CALU: variants seen among roughly 807,000 people sequenced by gnomAD.
CALU encodes calumenin.
In CALU, 13 loss-of-function variants were observed where a neutral mutation model predicts 37.5. The ratio of observed to expected loss-of-function variants is 0.35; its 90% confidence interval spans 0.23 to 0.55. The LOEUF (loss-of-function observed/expected upper bound fraction) is 0.55, where lower values mean the gene tolerates loss of function less well. CALU is among the 20% of genes least tolerant of loss of function. The probability of loss-of-function intolerance (pLI) is 0.89; values close to 1 mark genes in which losing one functional copy is unlikely to be tolerated. For missense variants in CALU, 282 were observed against 391.7 expected (o/e 0.72, Z 2.36); for synonymous variants, 114 against 133.8 (o/e 0.85, Z 1.02).
At chr7:128,762,336 T>C (rs1801150152) in intron 5 of CALU, among the ~76,000 whole-genome samples, 1 of 151,938 alleles carries the variant, frequency 6.6e-6, no homozygotes, top group South Asian at 2.1e-4. Flanking sequence ...AGTTATATTT[T>C]GAAGCTACCA....
At chr7:128,763,357 C>T (rs1343440113) in intron 5 of CALU, among the ~76,000 whole-genome samples, 6 of 151,852 alleles carry the variant, frequency 4.0e-5, no homozygotes, top group Admixed American at 1.3e-4. Flanking sequence ...GGTGAAACCC[C>T]GTCTCTACTA....
intron 2 of CALU, among the ~76,000 whole-genome samples, chr7:128,749,097 C>T (rs915448340): frequency 2.6e-5 from 4 of 152,156 alleles, no homozygotes; most frequent in African/African-American, 9.7e-5. Flanking sequence ...AAGAACATAG[C>T]ATGGGGGGAT....
rs193053325 is a variant in CALU, at chr7:128,763,462, C to T, written c.643+3610C>T. On this transcript the variant is annotated intron_variant, in intron 5 of 6. Coordinates refer to ENST00000249364, the MANE Select transcript of CALU (RefSeq NM_001219.5). ...AGGAGAATCGCTTGAACCCAGGAGG[C>T]GGAGGTTGCAGTGAGCCGAGATCGC... 4.8e-3 allele frequency among the ~76,000 whole-genome samples: 735 copies of T among 152,116 alleles called. 10 individuals carry two copies. Among genetic ancestry groups the T allele is most frequent in the African/African-American group, 0.017 (702 of 41,486 alleles).
chr7:128,747,110 A>G (rs889380342), intron 1 of CALU, among the ~76,000 whole-genome samples: 4 of 149,064 alleles, frequency 2.7e-5, no homozygotes, highest in African/African-American at 9.7e-5. Flanking sequence ...ATCGAGATTT[A>G]ATATATTTTA....
In CALU at chr7:128,746,762, C is replaced by CTTTTTTTT. The variant is rs71162530; in HGVS notation, c.-11-1794_-11-1787dup. On this transcript the variant is annotated intron_variant, in intron 1 of 6. Coordinates refer to ENST00000249364, the MANE Select transcript of CALU (RefSeq NM_001219.5). ...CCACCACCCCCGGCCTCATGTCATT[C>CTTTTTTTT]TTTTTTTTTTTTTTTTTTTTTTTTG... Among the ~76,000 whole-genome samples the CTTTTTTTT allele has an allele frequency of 6.3e-4, 77 of 122,642 alleles. 3 individuals are homozygous for CTTTTTTTT. The highest frequency in any genetic ancestry group is 9.6e-4 in the African/African-American group (28 of 29,072). 80.5% of individuals were successfully genotyped at this position (122,642 alleles called of 152,430 possible).
chr7:128,759,755 C>G (rs766901804), intron 4 of CALU, 37 bp from the exon 5 acceptor site: 2 of 1,008,058 alleles, frequency 2.0e-6, no homozygotes, highest in South Asian at 1.3e-5. Flanking sequence ...AATTCAGAGA[C>G]CAACTTAATA....
intron 2 of CALU, among the ~76,000 whole-genome samples, chr7:128,749,301 C>T (rs533184204): frequency 6.6e-6 from 1 of 152,132 alleles, no homozygotes. Flanking sequence ...AAACAAAAAT[C>T]AAACCAACTT....
intron 3 of CALU, 58 bp downstream of exon 3, chr7:128,754,513 C>T (rs1252853209): frequency 1.3e-6 from 2 of 1,590,410 alleles, no homozygotes; most frequent in Non-Finnish European, 1.7e-6. Context: ...TGAAACGTAA[C>T]TGTTTTGTCT....
At chr7:128,766,094 A>G (rs1801317662) in intron 5 of CALU, among the ~76,000 whole-genome samples, 1 of 151,588 alleles carries the variant, frequency 6.6e-6, no homozygotes, top group East Asian at 2.0e-4. Flanking sequence ...GTAGCTGGAG[A>G]TTACAGGTGT....
At chr7:128,746,762 C>CTTTT (rs71162530) in intron 1 of CALU, among the ~76,000 whole-genome samples, 1,862 of 122,130 alleles carry the variant, frequency 0.015, 111 homozygotes, top group African/African-American at 0.03. Context: ...TCATGTCATT[C>CTTTT]TTTTTTTTTT....
intron 1 of CALU, chr7:128,748,315 G>T: frequency 7.2e-7 from 1 of 1,384,190 alleles, no homozygotes; most frequent in Non-Finnish European, 9.7e-7. Flanking sequence ...AACAGAAAGT[G>T]GACATTTTAA....
At chr7:128,765,424 C>T (rs1801293520) in intron 5 of CALU, among the ~76,000 whole-genome samples, 1 of 152,146 alleles carries the variant, frequency 6.6e-6, no homozygotes, top group Admixed American at 6.5e-5. Flanking sequence ...CCATGTTGTC[C>T]AGGCTGATCT....
chr7:128,768,863 A>AAAAAAAAAAAAAAAAAAAAAAAAAAAC lies in CALU; in HGVS notation c.844-195_844-194insAAAAAAAAAAAAAAAAAAAAACAAAAA, dbSNP rs1554368156. Among the ~76,000 whole-genome samples the AAAAAAAAAAAAAAAAAAAAAAAAAAAC allele has an allele frequency of 2.0e-5, 3 of 148,050 alleles. 1 individual carries two copies. The highest frequency in any genetic ancestry group is 7.8e-5 in the African/African-American group (3 of 38,336). On this transcript the variant is annotated intron_variant, in intron 6 of 6. Transcript: ENST00000249364. ...ACTCCGTCTCAAAAAAAAAAAAAAA[A>AAAAAAAAAAAAAAAAAAAAAAAAAAAC]AAAAACAAGGAATGTGTAATTGCTG...
chr7:128,765,103 A>G (rs1489237419), intron 5 of CALU, among the ~76,000 whole-genome samples: 1 of 152,078 alleles, frequency 6.6e-6, no homozygotes, highest in African/African-American at 2.4e-5. Context: ...TCTTATAGAC[A>G]TGGGTCTCCC....
chr7:128,754,547 A>G (rs1585008854), intron 3 of CALU, 92 bp downstream of exon 3: 4 of 1,560,736 alleles, frequency 2.6e-6, no homozygotes, highest in Non-Finnish European at 3.5e-6. Flanking sequence ...TAGATAAAAT[A>G]GACGCGGATA....
intron 3 of CALU, among the ~76,000 whole-genome samples, chr7:128,757,152 A>G (rs1800916024): frequency 6.6e-6 from 1 of 152,070 alleles, no homozygotes; most frequent in Admixed American, 6.6e-5. Context: ...CTATTAGGCT[A>G]TTTGAGTCCA....
intron 1 of CALU, 124 bp from the exon 2 acceptor site, chr7:128,748,449 T>C: frequency 8.4e-7 from 1 of 1,190,624 alleles, no homozygotes; most frequent in Admixed American, 2.5e-5. Context: ...TTTGGGATAA[T>C]ATAAAAGACT....
Position 128,772,075 on chromosome 7 carries a change from GTTTTGT to G in CALU, c.*2912_*2917del, listed in dbSNP as rs1562886466. Among the ~76,000 whole-genome samples, 21 of 54,032 alleles carry G rather than the reference GTTTTGT, an allele frequency of 3.9e-4. No homozygotes were observed. Among genetic ancestry groups the G allele is most frequent in the African/African-American group, 5.2e-4 (10 of 19,312 alleles). The allele number at this position is 54,032 out of a possible 152,430, so 35.4% of individuals were successfully genotyped here. A position where few individuals can be genotyped will look rare whatever the true frequency, so the allele number is the denominator to read the frequency against. ...CTGAGTTTTTTTTGTTTTTTTTTTT[GTTTTGT>G]TTTGTTTTTTCTTTATGTCTCTCCC... On this transcript the variant is annotated 3_prime_UTR_variant, in exon 7 of 7. Transcript: ENST00000249364.
rs764599761 is a variant in CALU at position 128,748,606 on chromosome 7, T to G, written c.23T>G (p.Met8Arg). 1 of 1,614,134 alleles carries G rather than the reference T, an allele frequency of 6.2e-7. No individual in the cohort carries two copies. The highest frequency in any genetic ancestry group is 1.1e-5 in the South Asian group (1 of 91,084). MDLRQFL[M>R]CLSLCTAFAL... The stretch of plus-strand genomic sequence containing the variant: ...ATCATGGACCTGCGACAGTTTCTTA[T>G]GTGCCTGTCCCTGTGCACAGCCTTT... Residue 8 changes from methionine to arginine, a missense_variant, in exon 2 of 7, where the codon ATG becomes AGG. By Grantham distance (91) the Met-to-Arg change is moderately conservative (BLOSUM62 -1). Coordinates refer to ENST00000249364, the MANE Select transcript of CALU (RefSeq NM_001219.5).
Sources: gnomAD v4.1 joint callset for allele counts (sites outside exome capture counted in the v4.1 genomes callset) on GRCh38, gnomAD v4.1.1 for gene constraint, MANE v1.5 for transcripts, NCBI Gene and HGNC (gene_info 2026-07-23, HGNC 2026-07-21) for gene names.